The following ZFHX3 variants were observed in gnomAD, a reference collection of about 807,000 sequenced individuals.
The protein encoded by ZFHX3 is zinc finger homeobox protein 3.
ZFHX3 carries 42 observed loss-of-function variants against 279.1 expected under a neutral mutation model. The observed-to-expected ratio is 0.15, with a 90% CI of 0.12 to 0.19. The LOEUF (loss-of-function observed/expected upper bound fraction) is 0.19. Among genes scored for constraint, ZFHX3 ranks in the 10% least tolerant of loss-of-function variants. The pLI is 1.00. For missense variants in ZFHX3, 4,981 were observed against 4,754.0 expected (o/e 1.05, Z -1.40); for synonymous variants, 2,293 against 1,957.8 (o/e 1.17, Z -4.52).
intron 2 of ZFHX3, among the ~76,000 whole-genome samples, chr16:73,496,466 G>A (rs1002578800): frequency 6.6e-6 from 1 of 152,206 alleles, no homozygotes; most frequent in South Asian, 2.1e-4. Flanking sequence ...GGGAGGCAGA[G>A]GTTGCAGTGA....
intron 4 of ZFHX3, among the ~76,000 whole-genome samples, chr16:72,856,215 T>C (rs1597315317): frequency 1.3e-5 from 2 of 152,224 alleles, no homozygotes; most frequent in African/African-American, 4.8e-5. Context: ...GCGCTGTACC[T>C]GTCTGTCTGC....
chr16:73,217,736 C>T (rs886093431), intron 5 of ZFHX3, among the ~76,000 whole-genome samples: 2 of 152,104 alleles, frequency 1.3e-5, no homozygotes, highest in African/African-American at 4.8e-5. Context: ...GTTTCTCTCA[C>T]AGCCTCACAA....
chr16:73,803,353 A>G (rs554003465), intron 1 of ZFHX3, among the ~76,000 whole-genome samples: 2 of 152,356 alleles, frequency 1.3e-5, no homozygotes, highest in East Asian at 3.9e-4. Context: ...ATTGTTGACA[A>G]AACTTAAGAC....
At chr16:73,617,530 C>G (rs549850254) in intron 2 of ZFHX3, among the ~76,000 whole-genome samples, 138 of 152,252 alleles carry the variant, frequency 9.1e-4, no homozygotes, top group South Asian at 3.9e-3. Flanking sequence ...TGCTTTTTAG[C>G]AGTAAGATAC....
At chr16:72,951,612 G>A (rs1208994673) in intron 2 of ZFHX3, among the ~76,000 whole-genome samples, 1 of 152,180 alleles carries the variant, frequency 6.6e-6, no homozygotes, top group Non-Finnish European at 1.5e-5. Flanking sequence ...AGAAAAGACA[G>A]AAATATGTAT....
intron 1 of ZFHX3, among the ~76,000 whole-genome samples, chr16:73,770,304 C>T (rs547325744): frequency 6.6e-6 from 1 of 152,322 alleles, no homozygotes; most frequent in East Asian, 1.9e-4. Flanking sequence ...AGAATGGGGA[C>T]AGTCACAGAA....
At chr16:73,802,578 C>T (rs1229526840) in intron 1 of ZFHX3, among the ~76,000 whole-genome samples, 6 of 152,152 alleles carry the variant, frequency 3.9e-5, no homozygotes, top group African/African-American at 1.4e-4. Context: ...AAAGGACAGA[C>T]TAATACAGGT....
chr16:72,950,420 C>A (rs199771555), intron 3 of ZFHX3, 49 bp downstream of exon 3: 1 of 1,589,484 alleles, frequency 6.3e-7, no homozygotes, highest in South Asian at 1.1e-5. Flanking sequence ...CGGTGCGCAA[C>A]CCCCTCCTTT....
At chr16:73,852,468 C>T (rs918790600) in intron 1 of ZFHX3, among the ~76,000 whole-genome samples, 2 of 152,076 alleles carry the variant, frequency 1.3e-5, no homozygotes, top group African/African-American at 4.8e-5. Context: ...TAAAAAATTA[C>T]ATGAATGGGT....
At chr16:73,334,432 A>G (rs2015867709) in intron 3 of ZFHX3, among the ~76,000 whole-genome samples, 1 of 152,058 alleles carries the variant, frequency 6.6e-6, no homozygotes, top group African/African-American at 2.4e-5. Context: ...AGAATAATAA[A>G]CTTCTAGGCA....
chr16:73,138,798 C>T (rs765494973), intron 6 of ZFHX3, among the ~76,000 whole-genome samples: 16 of 152,284 alleles, frequency 1.1e-4, no homozygotes, highest in Middle Eastern at 6.8e-3. Context: ...AGTGATCCTC[C>T]CACCTCAGCC....
intron 1 of ZFHX3, among the ~76,000 whole-genome samples, chr16:73,840,570 T>G (rs1961276319): frequency 6.6e-6 from 1 of 152,174 alleles, no homozygotes; most frequent in South Asian, 2.1e-4. Context: ...TTAAGAAGGA[T>G]TTAATGTTCC....
At chr16:73,017,921 A>C (rs1333693741) in intron 1 of ZFHX3, among the ~76,000 whole-genome samples, 1 of 151,454 alleles carries the variant, frequency 6.6e-6, no homozygotes, top group Non-Finnish European at 1.5e-5. Context: ...TCAGAAAATG[A>C]TTTCCTCCTT....
chr16:73,239,688 A>G (rs906946291), intron 5 of ZFHX3, among the ~76,000 whole-genome samples: 1 of 152,204 alleles, frequency 6.6e-6, no homozygotes, highest in African/African-American at 2.4e-5. Context: ...TCATCACAGA[A>G]GAAGGAACGG....
At chr16:73,669,444 T>G (rs1462375476) in intron 2 of ZFHX3, among the ~76,000 whole-genome samples, 1 of 152,208 alleles carries the variant, frequency 6.6e-6, no homozygotes, top group Non-Finnish European at 1.5e-5. Flanking sequence ...TAAAGGGAAG[T>G]AGAACACACC....
chr16:73,397,464 G>A (rs1415977485), intron 3 of ZFHX3, among the ~76,000 whole-genome samples: 2 of 152,142 alleles, frequency 1.3e-5, no homozygotes, highest in Admixed American at 1.3e-4. Context: ...AGTGGGTATA[G>A]GCATGGGTGT....
chr16:73,509,459 C>T (rs982520049), intron 2 of ZFHX3, among the ~76,000 whole-genome samples: 1 of 151,276 alleles, frequency 6.6e-6, no homozygotes, highest in African/African-American at 2.4e-5. Flanking sequence ...CTGACTACAT[C>T]TCCCACTTCC....
intron 6 of ZFHX3, chr16:73,137,460 C>G (rs921602312): frequency 2.0e-5 from 3 of 152,082 alleles, no homozygotes; most frequent in African/African-American, 7.2e-5. Flanking sequence ...TCCTGCTTGC[C>G]TTCTAAGGAG....
At chr16:73,449,367 C>A (rs2018244948) in intron 3 of ZFHX3, among the ~76,000 whole-genome samples, 1 of 152,114 alleles carries the variant, frequency 6.6e-6, no homozygotes, top group African/African-American at 2.4e-5. Flanking sequence ...TTCTAAAAGT[C>A]TTCTTAAAAA....
Sources: allele counts gnomAD v4.1 joint callset (sites outside exome capture counted in the v4.1 genomes callset), GRCh38; gene constraint gnomAD v4.1.1; transcripts MANE v1.5; gene names NCBI Gene and HGNC (gene_info 2026-07-23, HGNC 2026-07-21).